Variants in NCKAP5 observed in about 807,000 individuals in gnomAD.
The protein encoded by NCKAP5 is nck-associated protein 5.
A neutral mutation model predicts 167.0 loss-of-function variants in NCKAP5; 92 were observed. That is an observed-to-expected ratio of 0.55 (90% confidence interval 0.47 to 0.66). The LOEUF is 0.66. NCKAP5 is among the 30% of genes least tolerant of loss of function. The pLI, the probability that NCKAP5 is intolerant of heterozygous loss-of-function variation, is 0.00. For missense variants in NCKAP5, 2,378 were observed against 2,315.0 expected, an observed-to-expected ratio of 1.03 and a Z score of -0.56; for synonymous variants, 891 against 877.4, an observed-to-expected ratio of 1.02 and a Z score of -0.27.
intron 13 of NCKAP5, among the ~76,000 whole-genome samples, chr2:132,789,687 C>G (rs897361161): frequency 6.6e-6 from 1 of 152,144 alleles, no homozygotes; most frequent in Non-Finnish European, 1.5e-5. Flanking sequence ...GTATCTCCAG[C>G]TTTGCGAGTC....
chr2:133,662,511 A>T, the NCKAP5 span, among the ~76,000 whole-genome samples: 1 of 151,166 alleles, frequency 6.6e-6, no homozygotes, highest in Non-Finnish European at 1.5e-5. Context: ...ACATATATAC[A>T]TTTAACTTGA....
intron 6 of NCKAP5, among the ~76,000 whole-genome samples, chr2:133,041,437 C>T (rs769889616): frequency 2.2e-4 from 34 of 152,104 alleles, no homozygotes; most frequent in Middle Eastern, 3.4e-3. Flanking sequence ...ATTTGTTGCA[C>T]GAATTTTGAG....
At chr2:133,129,616 T>C (rs2082529008) in intron 6 of NCKAP5, among the ~76,000 whole-genome samples, 1 of 152,130 alleles carries the variant, frequency 6.6e-6, no homozygotes, top group Admixed American at 6.5e-5. Context: ...CACCTAGTAA[T>C]GGGATGGCTG....
chr2:132,820,173 A>C (rs1359267676), intron 11 of NCKAP5, among the ~76,000 whole-genome samples: 3 of 152,148 alleles, frequency 2.0e-5, no homozygotes, highest in African/African-American at 7.2e-5. Flanking sequence ...TCAATTTTGA[A>C]AGAGGACAGA....
chr2:133,054,123 G>C (rs183071582), intron 6 of NCKAP5, among the ~76,000 whole-genome samples: 102 of 152,294 alleles, frequency 6.7e-4, no homozygotes, highest in African/African-American at 2.3e-3. Flanking sequence ...AAGTATCTAA[G>C]CTTGCAAGAA....
intron 6 of NCKAP5, among the ~76,000 whole-genome samples, chr2:133,016,986 A>G (rs2078360278): frequency 6.6e-6 from 1 of 152,236 alleles, no homozygotes; most frequent in Non-Finnish European, 1.5e-5. Flanking sequence ...GGGCAAGGAA[A>G]CTAGCCCATT....
rs1020362536 is a variant in NCKAP5 at position 132,789,946 on chromosome 2, C to G, written c.1092+77G>C. 3 of 1,426,088 alleles carry G rather than the reference C, an allele frequency of 2.1e-6. No individual in the cohort carries two copies. The African/African-American group carries it at 4.3e-5, about 20-fold the overall frequency. The allele number at this position is 1,426,088 out of a possible 1,614,324, so 88.3% of individuals were successfully genotyped here. On this transcript the variant is annotated intron_variant, in intron 13 of 19. Coordinates refer to ENST00000409261, the MANE Select transcript of NCKAP5 (RefSeq NM_207363.3). ...GTGGCTTCCTTCTTACCCCTCCCACCTGCCCTTCATCTCCATGACCAAATC... is the reference window on the plus strand; with the variant it reads ...GTGGCTTCCTTCTTACCCCTCCCACGTGCCCTTCATCTCCATGACCAAATC...
chr2:133,269,129 T>C (rs1034310600), intron 4 of NCKAP5: 4 of 152,200 alleles, frequency 2.6e-5, no homozygotes, highest in Non-Finnish European at 5.9e-5. Context: ...CCACCTCCAA[T>C]TTATTAATTC....
chr2:133,023,488 C>T (rs983601640), intron 6 of NCKAP5, among the ~76,000 whole-genome samples: 3 of 152,048 alleles, frequency 2.0e-5, no homozygotes, highest in African/African-American at 7.2e-5. Context: ...GGTACATGTA[C>T]AGATTTGTTA....
the NCKAP5 span, among the ~76,000 whole-genome samples, chr2:133,656,805 G>A: frequency 2.7e-4 from 41 of 152,112 alleles, no homozygotes; most frequent in Non-Finnish European, 5.3e-4. Context: ...AAGTTATTGA[G>A]GTACAGGTGG....
chr2:133,432,174 A>G (rs560825922), intron 3 of NCKAP5, among the ~76,000 whole-genome samples: 2 of 152,302 alleles, frequency 1.3e-5, no homozygotes, highest in East Asian at 3.9e-4. Flanking sequence ...AGAGTTTACA[A>G]TAGAACTGCA....
At chr2:133,065,812 T>C (rs1183995285) in intron 6 of NCKAP5, among the ~76,000 whole-genome samples, 1 of 151,994 alleles carries the variant, frequency 6.6e-6, no homozygotes, top group African/African-American at 2.4e-5. Context: ...GGTAGTAGAG[T>C]CTTGTCTGGC....
chr2:133,666,080 T>C, the NCKAP5 span, among the ~76,000 whole-genome samples: 1 of 151,994 alleles, frequency 6.6e-6, no homozygotes, highest in African/African-American at 2.4e-5. Flanking sequence ...GATACATATA[T>C]GTAGAGAAAT....
chr2:132,961,363 T>C (rs2076506899), intron 8 of NCKAP5, among the ~76,000 whole-genome samples: 1 of 151,770 alleles, frequency 6.6e-6, no homozygotes, highest in Non-Finnish European at 1.5e-5. Context: ...TATTTGTATT[T>C]CTTATTTTAC....
At chr2:132,793,498 G>A (rs545223467) in intron 12 of NCKAP5, among the ~76,000 whole-genome samples, 27 of 152,376 alleles carry the variant, frequency 1.8e-4, no homozygotes, top group African/African-American at 6.3e-4. Flanking sequence ...TAATTCTGAG[G>A]TAGGACCTGA....
chr2:133,233,989 G>A (rs1470411255), intron 4 of NCKAP5, among the ~76,000 whole-genome samples: 17 of 152,152 alleles, frequency 1.1e-4, no homozygotes, highest in Admixed American at 1.0e-3. Context: ...AACCCATCAG[G>A]ACTATCGAAA....
intron 19 of NCKAP5, among the ~76,000 whole-genome samples, chr2:132,709,660 C>T (rs1490162281): frequency 9.2e-5 from 14 of 151,910 alleles, no homozygotes; most frequent in Admixed American, 9.2e-4. Context: ...AGTATTATAA[C>T]TAGTAATGAA....
chr2:133,144,085 T>C (rs554958063), intron 5 of NCKAP5, among the ~76,000 whole-genome samples: 1 of 152,226 alleles, frequency 6.6e-6, no homozygotes, highest in South Asian at 2.1e-4. Flanking sequence ...ACAGAGATGG[T>C]CTTTGCCATT....
intron 3 of NCKAP5, among the ~76,000 whole-genome samples, chr2:133,432,831 C>G (rs180767505): frequency 6.6e-6 from 1 of 152,262 alleles, no homozygotes; most frequent in East Asian, 1.9e-4. Context: ...TGCACAATAT[C>G]CTATGAAATG....
Sources: allele counts gnomAD v4.1 joint callset (sites outside exome capture counted in the v4.1 genomes callset), GRCh38; gene constraint gnomAD v4.1.1; transcripts MANE v1.5; gene names NCBI Gene and HGNC (gene_info 2026-07-23, HGNC 2026-07-21).